PTPRQ: variants seen among roughly 807,000 people sequenced by gnomAD.
The protein encoded by PTPRQ is phosphatidylinositol phosphatase PTPRQ.
PTPRQ carries 199 observed loss-of-function variants against 246.0 expected under a neutral mutation model. The ratio of observed to expected loss-of-function variants is 0.81; its 90% CI spans 0.72 to 0.91. PTPRQ has a LOEUF of 0.91. Among genes scored for constraint, PTPRQ ranks in the 40% least tolerant of loss-of-function variants. The pLI, the probability that PTPRQ is intolerant of heterozygous loss-of-function variation, is 0.00. For missense variants in PTPRQ, 2,624 were observed against 2,528.4 expected, an observed-to-expected ratio of 1.04 and a Z score of -0.81; for synonymous variants, 869 against 853.2, an observed-to-expected ratio of 1.02 and a Z score of -0.32.
chr12:80,471,475 T>TTTTTTG (rs1258443492), intron 7 of PTPRQ, among the ~76,000 whole-genome samples: 1 of 3,618 alleles, frequency 2.8e-4, no homozygotes, highest in African/African-American at 3.5e-3. Context: ...TTATTTAGCA[T>TTTTTTG]TTTTTTTTTT....
chr12:80,451,004 G>C (rs1026090990), intron 3 of PTPRQ, among the ~76,000 whole-genome samples: 1 of 152,258 alleles, frequency 6.6e-6, no homozygotes, highest in Non-Finnish European at 1.5e-5. Context: ...AATCCGTCTG[G>C]TCCTGGACTC....
At chr12:80,462,602 C>G (rs1262712558) in intron 6 of PTPRQ, 2 of 154,204 alleles carry the variant, frequency 1.3e-5, no homozygotes, top group Non-Finnish European at 2.9e-5. Flanking sequence ...AGCAGCCTAA[C>G]TGGGAGGCAC....
intron 17 of PTPRQ, among the ~76,000 whole-genome samples, chr12:80,518,882 C>G (rs1397173490): frequency 2.0e-5 from 3 of 152,030 alleles, no homozygotes; most frequent in African/African-American, 7.2e-5. Flanking sequence ...TACTATAACT[C>G]TGTAGTATAA....
Position 80,495,998 on chromosome 12 carries a change from G to A in PTPRQ, c.1883-1G>A. The A allele has an allele frequency of 6.5e-7, 1 of 1,548,868 alleles. No homozygotes were observed. Among genetic ancestry groups the A allele is most frequent in the South Asian group, 1.2e-5 (1 of 83,468 alleles). On this transcript the variant is annotated splice_acceptor_variant, in intron 12 of 44. Coordinates refer to ENST00000644991, the MANE Select transcript of PTPRQ (RefSeq NM_001145026.2). LOFTEE classifies it high-confidence loss of function. Reference sequence around the variant, plus strand: ...AAACAGTTTGTCTCTTGTCCTTATAGGGTTAAAGAAATACACAAAATACAA... The same window carrying A: ...AAACAGTTTGTCTCTTGTCCTTATAAGGTTAAAGAAATACACAAAATACAA...
At chr12:80,657,748 G>T (rs1030108273) in intron 38 of PTPRQ, among the ~76,000 whole-genome samples, 2 of 151,480 alleles carry the variant, frequency 1.3e-5, no homozygotes, top group Admixed American at 1.3e-4. Flanking sequence ...TGTAGCTAAA[G>T]AAAATTAGAA....
At chr12:80,544,482 A>G (rs1218165556) in intron 23 of PTPRQ, among the ~76,000 whole-genome samples, 2 of 152,170 alleles carry the variant, frequency 1.3e-5, no homozygotes, top group Non-Finnish European at 2.9e-5. Context: ...TAGCAAAAAT[A>G]CCATCTTTAT....
chr12:80,620,220 C>T lies in PTPRQ; in HGVS notation c.5456C>T (p.Thr1819Ile), dbSNP rs959193368. 6.5e-7 allele frequency: 1 copy of T among 1,549,050 alleles called. No individual in the cohort carries two copies. Among genetic ancestry groups the T allele is most frequent in the African/African-American group, 1.4e-5 (1 of 72,904 alleles). ...TTTAATAAAGCAAGGCCATATTTTACAAATGAAGGCTTTCCTAACCCTCCA... is the reference window on the plus strand; with the variant it reads ...TTTAATAAAGCAAGGCCATATTTTATAAATGAAGGCTTTCCTAACCCTCCA... ...AYFNKARPYF[T>I]NEGFPNPPCT... Residue 1819 changes from threonine (T) to isoleucine (I), a missense_variant, in exon 32 of 45, where the codon ACA (threonine) becomes ATA (isoleucine). Transcript: ENST00000644991.
chr12:80,621,307 T>C (rs1405462615), intron 32 of PTPRQ, among the ~76,000 whole-genome samples: 1 of 151,990 alleles, frequency 6.6e-6, no homozygotes, highest in African/African-American at 2.4e-5. Flanking sequence ...TATTCATATT[T>C]ATAGTTTATT....
chr12:80,484,538 G>A lies in PTPRQ; in HGVS notation c.1292G>A (p.Arg431Gln), dbSNP rs57971665. Residue 431 changes from arginine to glutamine, a missense_variant, in exon 9 of 45, where the codon CGA becomes CAA. Physicochemically the swap from Arg to Gln is conservative, Grantham distance 43 (BLOSUM62 1). Coordinates refer to ENST00000644991, the MANE Select transcript of PTPRQ (RefSeq NM_001145026.2). ...CCAAATGGAATTATTAACCAATACC[G>A]AGTGAAAGTGCTAGTTCCAGAGACA... ...RQPNGIINQY[R>Q]VKVLVPETGI... 27,965 of 1,550,872 alleles carry A rather than the reference G, an allele frequency of 0.018. 2,243 individuals are homozygous for A. The African/African-American group carries it at 0.22, about 12-fold the overall frequency.
Position 80,472,268 on chromosome 12 carries a change from T to A in PTPRQ, c.1186+17T>A. 6.5e-7 allele frequency: 1 copy of A among 1,549,958 alleles called. No individual in the cohort carries two copies. The stretch of plus-strand genomic sequence containing the variant: ...CACCAGATGGTAAGAACATAGGGAA[T>A]GAGTGAGATATTTTTGGTATGCTTA... On this transcript the variant is annotated intron_variant, in intron 8 of 44. Coordinates refer to ENST00000644991, the MANE Select transcript of PTPRQ (RefSeq NM_001145026.2).
intron 20 of PTPRQ, among the ~76,000 whole-genome samples, chr12:80,540,263 C>G (rs1017050414): frequency 6.6e-6 from 1 of 151,946 alleles, no homozygotes; most frequent in Non-Finnish European, 1.5e-5. Flanking sequence ...TATTCATTTT[C>G]CTTAAGGACT....
At chr12:80,514,402 A>ACACACACACACACACACT (rs552667526) in intron 17 of PTPRQ, among the ~76,000 whole-genome samples, 11 of 112,980 alleles carry the variant, frequency 9.7e-5, no homozygotes, top group East Asian at 3.1e-4. Flanking sequence ...ACACACACAC[A>ACACACACACACACACACT]CTCTCTCTCT....
At chr12:80,653,021 G>T (rs1383920262) in intron 38 of PTPRQ, among the ~76,000 whole-genome samples, 187 bp downstream of exon 38, 1 of 151,976 alleles carries the variant, frequency 6.6e-6, no homozygotes, top group Non-Finnish European at 1.5e-5. Context: ...TAGTATACGT[G>T]GTTTTCAGTT....
At chr12:80,588,519 T>C (rs377760537) in intron 26 of PTPRQ, 67 bp downstream of exon 26, 3 of 1,324,910 alleles carry the variant, frequency 2.3e-6, no homozygotes, top group Non-Finnish European at 2.9e-6. Context: ...TATATTATGC[T>C]TTATACTTAA....
intron 35 of PTPRQ, among the ~76,000 whole-genome samples, chr12:80,641,044 G>A (rs1468346139): frequency 6.6e-6 from 1 of 152,172 alleles, no homozygotes; most frequent in Non-Finnish European, 1.5e-5. Flanking sequence ...TGGTTAACCT[G>A]TAAGGACCAA....
chr12:80,478,874 T>C (rs1360322129), intron 8 of PTPRQ, among the ~76,000 whole-genome samples: 1 of 152,116 alleles, frequency 6.6e-6, no homozygotes, highest in East Asian at 1.9e-4. Flanking sequence ...TATGGGACTA[T>C]GTGAAAAGAC....
chr12:80,516,551 A>G (rs1314532897), intron 17 of PTPRQ, among the ~76,000 whole-genome samples: 1 of 152,228 alleles, frequency 6.6e-6, no homozygotes, highest in East Asian at 1.9e-4. Context: ...TTGCCAAAGA[A>G]TATATTAGGA....
At chr12:80,570,527 A>G (rs1025932054) in intron 25 of PTPRQ, among the ~76,000 whole-genome samples, 3 of 151,880 alleles carry the variant, frequency 2.0e-5, no homozygotes, top group African/African-American at 4.8e-5. Context: ...CTCCCATTCT[A>G]TAGTTTGCCT....
chr12:80,493,280 A>G lies in PTPRQ; in HGVS notation c.1365A>G (p.Ile455Met). ...NTLLTGNNEY[I>M]NDPMAPEIVN... ...ATATCTACTTTTAATTACAGTATAT[A>G]AATGACCCCATGGCTCCAGAAATTG... The change falls in exon 10 of 45, where the codon ATA becomes ATG. Residue 455 changes from isoleucine to methionine, a missense_variant. Physicochemically the swap from Ile to Met is conservative, Grantham distance 10. Transcript: ENST00000644991. 1 of 1,524,752 alleles carries G rather than the reference A, an allele frequency of 6.6e-7. No homozygotes were observed. The highest frequency in any genetic ancestry group is 2.5e-5 in the East Asian group (1 of 40,550). 94.5% of individuals were successfully genotyped at this position (1,524,752 alleles called of 1,614,324 possible).
Sources: gnomAD v4.1 joint callset for allele counts (sites outside exome capture counted in the v4.1 genomes callset) on GRCh38, gnomAD v4.1.1 for gene constraint, MANE v1.5 for transcripts, NCBI Gene and HGNC (gene_info 2026-07-23, HGNC 2026-07-21) for gene names.